SLC35D4: variants seen among roughly 807,000 people sequenced by gnomAD.
The protein encoded by SLC35D4 is UDP-N-acetylglucosamine transporter SLC35D4.
the SLC35D4 span, among the ~76,000 whole-genome samples, chr18:23,418,584 C>G: frequency 6.6e-6 from 1 of 151,694 alleles, no homozygotes; most frequent in South Asian, 2.1e-4. Context: ...AGTGATCTTC[C>G]TGCCTCGGCC....
the SLC35D4 span, among the ~76,000 whole-genome samples, chr18:23,433,433 C>T: frequency 1.3e-5 from 2 of 152,162 alleles, no homozygotes; most frequent in Non-Finnish European, 2.9e-5. Flanking sequence ...CAGATGCCAA[C>T]CACTTGTCCA....
At chr18:23,422,428 G>A in the SLC35D4 span, among the ~76,000 whole-genome samples, 10 of 151,950 alleles carry the variant, frequency 6.6e-5, no homozygotes, top group South Asian at 6.3e-4. Flanking sequence ...CACCTCCCTC[G>A]TCTAAGCACA....
chr18:23,280,545 C>T, the SLC35D4 span, among the ~76,000 whole-genome samples: 44 of 152,314 alleles, frequency 2.9e-4, no homozygotes, highest in Admixed American at 5.2e-4. Flanking sequence ...CACGTGAACA[C>T]GATACAACAA....
At chr18:23,313,700 G>A in the SLC35D4 span, among the ~76,000 whole-genome samples, 6 of 152,172 alleles carry the variant, frequency 3.9e-5, no homozygotes, top group Admixed American at 1.3e-4. Context: ...TCCACCTGGT[G>A]GTGGGACCTA....
At chr18:23,364,362 G>C in the SLC35D4 span, among the ~76,000 whole-genome samples, 3 of 152,244 alleles carry the variant, frequency 2.0e-5, no homozygotes, top group African/African-American at 7.2e-5. Flanking sequence ...GCCACTCAGT[G>C]GGGGAGCCAA....
chr18:23,248,281 A>C, the SLC35D4 span, among the ~76,000 whole-genome samples: 2 of 152,104 alleles, frequency 1.3e-5, no homozygotes, highest in Non-Finnish European at 2.9e-5. Flanking sequence ...CCCCGCCTTC[A>C]CCGAGCCAGG....
the SLC35D4 span, chr18:23,257,348 G>GGCTGGTCCAGAGTTCCTAGC: frequency 1.2e-6 from 2 of 1,610,100 alleles, no homozygotes; most frequent in African/African-American, 2.7e-5. Flanking sequence ...CACTACAGAC[G>GGCTGGTCCAGAGTTCCTAGC]GCTGGTCCAG....
chr18:23,262,936 T>C, the SLC35D4 span, among the ~76,000 whole-genome samples: 1 of 152,188 alleles, frequency 6.6e-6, no homozygotes, highest in Admixed American at 6.5e-5. Context: ...AGACGTGAAC[T>C]GTGATAGGCA....
chr18:23,292,784 A>G, the SLC35D4 span, among the ~76,000 whole-genome samples: 13 of 152,220 alleles, frequency 8.5e-5, no homozygotes, highest in Non-Finnish European at 1.6e-4. Context: ...GGAAGAATCA[A>G]TGACAGGGAG....
At chr18:23,395,089 T>C in the SLC35D4 span, among the ~76,000 whole-genome samples, 8 of 151,898 alleles carry the variant, frequency 5.3e-5, no homozygotes, top group Admixed American at 5.3e-4. Context: ...GTATTGCCAC[T>C]GAGCCCACAT....
chr18:23,308,864 CTCTCTCTCTCTCTG>C, the SLC35D4 span, among the ~76,000 whole-genome samples: 1 of 143,458 alleles, frequency 7.0e-6, no homozygotes, highest in South Asian at 2.3e-4. Context: ...CTCTCTCTCT[CTCTCTCTCTCTCTG>C]TGTGTGTGTG....
At chr18:23,253,783 C>T in the SLC35D4 span, 1 of 1,614,076 alleles carries the variant, frequency 6.2e-7, no homozygotes. Flanking sequence ...TTGAGGAGCC[C>T]ACGGTGGCCA....
the SLC35D4 span, among the ~76,000 whole-genome samples, chr18:23,390,153 A>G: frequency 6.6e-6 from 1 of 152,230 alleles, no homozygotes; most frequent in Non-Finnish European, 1.5e-5. Flanking sequence ...AATCCCCATT[A>G]TACGGTCAAG....
chr18:23,246,477 C>T, the SLC35D4 span, among the ~76,000 whole-genome samples: 199 of 152,094 alleles, frequency 1.3e-3, no homozygotes, highest in African/African-American at 3.4e-3. Flanking sequence ...CTGCAAGCTC[C>T]GCCTCCCGGG....
chr18:23,242,798 C>T, the SLC35D4 span, among the ~76,000 whole-genome samples: 5 of 152,114 alleles, frequency 3.3e-5, no homozygotes, highest in East Asian at 1.9e-4. Context: ...TTTTATTTAC[C>T]GAATATTAAA....
At chr18:23,288,869 T>C in the SLC35D4 span, among the ~76,000 whole-genome samples, 1 of 152,170 alleles carries the variant, frequency 6.6e-6, no homozygotes, top group Non-Finnish European at 1.5e-5. Context: ...TAGAACGGAC[T>C]AATGGTCTTT....
the SLC35D4 span, among the ~76,000 whole-genome samples, chr18:23,323,016 A>G: frequency 6.6e-6 from 1 of 152,230 alleles, no homozygotes; most frequent in South Asian, 2.1e-4. Flanking sequence ...CCTGCTAGCT[A>G]GAAAGTTCTA....
the SLC35D4 span, among the ~76,000 whole-genome samples, chr18:23,345,532 G>A: frequency 1.4e-5 from 2 of 147,110 alleles, no homozygotes; most frequent in African/African-American, 2.5e-5. Flanking sequence ...ATTGTGATTG[G>A]CACCTCTGTT....
At chr18:23,303,131 C>T in the SLC35D4 span, among the ~76,000 whole-genome samples, 10 of 152,230 alleles carry the variant, frequency 6.6e-5, no homozygotes, top group Admixed American at 3.3e-4. Flanking sequence ...GAGCTGGTCA[C>T]CCAGCCACGC....
Sources: gnomAD v4.1 joint callset for allele counts (sites outside exome capture counted in the v4.1 genomes callset) on GRCh38, gnomAD v4.1.1 for gene constraint, MANE v1.5 for transcripts, NCBI Gene and HGNC (gene_info 2026-07-23, HGNC 2026-07-21) for gene names.